The following TMCC1 variants were observed in gnomAD, a reference collection of about 807,000 sequenced individuals.
The protein encoded by TMCC1 is transmembrane and coiled-coil domain family 1, also known as transmembrane and coiled-coil domains protein 1.
Under a neutral mutation model 52.4 loss-of-function variants are expected in TMCC1, and 15 were observed. The observed-to-expected ratio is 0.29, with a 90% CI of 0.19 to 0.44. TMCC1 has a LOEUF of 0.44. Among genes scored for constraint, TMCC1 ranks in the 20% least tolerant of loss-of-function variants. The pLI, the probability that TMCC1 is intolerant of heterozygous loss-of-function variation, is 1.00. For missense variants in TMCC1, 503 were observed against 806.0 expected (o/e 0.62, Z 4.55); for synonymous variants, 279 against 301.9 (o/e 0.92, Z 0.79).
At position 129,830,147 on chromosome 3, in the gene TMCC1, A is replaced by T. The variant is rs145775180; in HGVS notation, c.-130-1639T>A. Among the ~76,000 whole-genome samples, 150 of 152,316 alleles carry T rather than the reference A, an allele frequency of 9.8e-4. 2 individuals carry two copies. Among genetic ancestry groups the T allele is most frequent in the African/African-American group, 3.4e-3 (140 of 41,548 alleles). On this transcript the variant is annotated intron_variant, in intron 3 of 6. Transcript: ENST00000393238. ...ATTCTTTGTGGCTCCACTGAAATCT[A>T]GCCATCCCACTATGGCCTGTTACCC... is the stretch of plus-strand genomic sequence containing the variant.
intron 2 of TMCC1, among the ~76,000 whole-genome samples, chr3:129,850,929 G>A (rs1369249560): frequency 6.6e-6 from 1 of 152,256 alleles, no homozygotes; most frequent in African/African-American, 2.4e-5. Flanking sequence ...TGTGGTTTAA[G>A]AATGCCTTTA....
At chr3:129,813,315 C>G (rs543212421) in intron 4 of TMCC1, among the ~76,000 whole-genome samples, 9 of 152,058 alleles carry the variant, frequency 5.9e-5, no homozygotes, top group Non-Finnish European at 8.8e-5. Flanking sequence ...TATGTATTTT[C>G]CCAAAGGAAT....
chr3:129,889,701 T>G (rs1446199018), intron 1 of TMCC1, among the ~76,000 whole-genome samples: 1 of 152,110 alleles, frequency 6.6e-6, no homozygotes, highest in Non-Finnish European at 1.5e-5. Flanking sequence ...CAAAAGATAC[T>G]TAAAATATGG....
intron 5 of TMCC1, among the ~76,000 whole-genome samples, chr3:129,667,402 G>T (rs1218676114): frequency 1.3e-5 from 2 of 151,960 alleles, no homozygotes; most frequent in East Asian, 3.9e-4. Context: ...AAGTACAATA[G>T]TTGTGACTTT....
At chr3:129,660,130 A>G (rs1338946602) in intron 5 of TMCC1, among the ~76,000 whole-genome samples, 1 of 151,970 alleles carries the variant, frequency 6.6e-6, no homozygotes, top group Non-Finnish European at 1.5e-5. Context: ...CCCACTTCTG[A>G]CTTTTTTCTC....
chr3:129,814,687 G>C (rs2058009177), intron 4 of TMCC1, among the ~76,000 whole-genome samples: 1 of 152,046 alleles, frequency 6.6e-6, no homozygotes, highest in South Asian at 2.1e-4. Context: ...CACATAGACT[G>C]AAAGTGAAGG....
chr3:129,789,751 A>T (rs1576853838), intron 4 of TMCC1, among the ~76,000 whole-genome samples: 1 of 152,302 alleles, frequency 6.6e-6, no homozygotes. Flanking sequence ...AAGTGCTGGG[A>T]TTACAGGCGT....
At chr3:129,885,853 C>T (rs1354414662) in intron 1 of TMCC1, among the ~76,000 whole-genome samples, 1 of 151,824 alleles carries the variant, frequency 6.6e-6, no homozygotes, top group Non-Finnish European at 1.5e-5. Context: ...AGCAATTCTC[C>T]TGCCTCAGCC....
At chr3:129,657,037 G>A (rs2086709436) in intron 5 of TMCC1, among the ~76,000 whole-genome samples, 1 of 152,140 alleles carries the variant, frequency 6.6e-6, no homozygotes, top group South Asian at 2.1e-4. Context: ...CCAGAGAGGG[G>A]CCAGAGACTT....
intron 4 of TMCC1, among the ~76,000 whole-genome samples, chr3:129,761,812 G>A (rs1415225052): frequency 6.6e-6 from 1 of 151,960 alleles, no homozygotes; most frequent in Non-Finnish European, 1.5e-5. Flanking sequence ...CCAACGTGGT[G>A]AAACCCCATC....
intron 4 of TMCC1, chr3:129,794,481 CT>C: frequency 2.4e-6 from 1 of 414,934 alleles, no homozygotes; most frequent in Non-Finnish European, 4.7e-6. Flanking sequence ...AAGAATTTCC[CT>C]GGGAGTCTTA....
At chr3:129,781,491 G>A (rs776123298) in intron 4 of TMCC1, among the ~76,000 whole-genome samples, 2 of 151,982 alleles carry the variant, frequency 1.3e-5, no homozygotes, top group Non-Finnish European at 2.9e-5. Context: ...CTCTCAGAAC[G>A]GTTGTATATA....
At chr3:129,843,172 C>T (rs2059500069) in intron 2 of TMCC1, among the ~76,000 whole-genome samples, 1 of 151,992 alleles carries the variant, frequency 6.6e-6, no homozygotes, top group South Asian at 2.1e-4. Context: ...CAGTGAAACC[C>T]CATTTGTACT....
intron 4 of TMCC1, among the ~76,000 whole-genome samples, chr3:129,802,560 T>C (rs1440765690): frequency 2.2e-4 from 34 of 152,210 alleles, no homozygotes; most frequent in Non-Finnish European, 7.3e-5. Context: ...TGAGCTATGA[T>C]AGTGCCACTG....
intron 4 of TMCC1, among the ~76,000 whole-genome samples, chr3:129,689,800 G>C (rs188132928): frequency 1.3e-3 from 203 of 152,246 alleles, no homozygotes; most frequent in African/African-American, 3.9e-3. Flanking sequence ...TCCATCTCTA[G>C]AGACACAGAA....
rs533751430 is a variant in TMCC1 at position 129,841,415 on chromosome 3, C to T, written c.-183-8589G>A. Reference sequence around the variant, plus strand: ...CAATCTGGCCAATATGGTGAAACTCCGTTTCCACTAAAAATACAAAAATTA... The same window carrying T: ...CAATCTGGCCAATATGGTGAAACTCTGTTTCCACTAAAAATACAAAAATTA... On this transcript the variant is annotated intron_variant, in intron 2 of 6. Coordinates refer to ENST00000393238, the MANE Select transcript of TMCC1 (RefSeq NM_001017395.5). Among the ~76,000 whole-genome samples the T allele has an allele frequency of 7.9e-5, 12 of 152,236 alleles. No homozygotes were observed. The South Asian group carries it at 2.1e-3, about 26-fold the overall frequency.
In TMCC1 at chr3:129,796,972, G is replaced by A. The variant is rs567867835; in HGVS notation, c.576+30831C>T. Among the ~76,000 whole-genome samples the A allele has an allele frequency of 3.3e-5, 5 of 152,218 alleles. No individual in the cohort carries two copies. The East Asian group carries it at 7.7e-4, about 23-fold the overall frequency. On this transcript the variant is annotated intron_variant, in intron 4 of 6. Coordinates refer to ENST00000393238, the MANE Select transcript of TMCC1 (RefSeq NM_001017395.5). Reference sequence around the variant, plus strand: ...GCAATGATTATTCTCAACTATGCTCGTATCATATACTACCAGTATCCAATT... The same window carrying A: ...GCAATGATTATTCTCAACTATGCTCATATCATATACTACCAGTATCCAATT...
chr3:129,672,061 A>G (rs573355977), intron 4 of TMCC1, among the ~76,000 whole-genome samples: 1 of 152,332 alleles, frequency 6.6e-6, no homozygotes, highest in South Asian at 2.1e-4. Context: ...GGTTTTTGTT[A>G]GGCAAGGGAC....
At chr3:129,667,751 A>G (rs1246084845) in intron 5 of TMCC1, among the ~76,000 whole-genome samples, 1 of 152,136 alleles carries the variant, frequency 6.6e-6, no homozygotes, top group Non-Finnish European at 1.5e-5. Context: ...CTTACACTAA[A>G]TGGATTCAAA....
Sources: gnomAD v4.1 joint callset for allele counts (sites outside exome capture counted in the v4.1 genomes callset) on GRCh38, gnomAD v4.1.1 for gene constraint, MANE v1.5 for transcripts, NCBI Gene and HGNC (gene_info 2026-07-23, HGNC 2026-07-21) for gene names.